STXBP3: variants seen among roughly 807,000 people sequenced by gnomAD.
STXBP3 encodes the protein syntaxin binding protein 3, also known as syntaxin-binding protein 3.
A neutral mutation model predicts 85.7 loss-of-function variants in STXBP3; 41 were observed. That is an observed-to-expected ratio of 0.48 (90% CI 0.37 to 0.62). The LOEUF (loss-of-function observed/expected upper bound fraction) is 0.62. Ranked by LOEUF, STXBP3 falls within the 20% of genes least tolerant of loss-of-function variation. STXBP3 has a pLI of 0.00. For missense variants in STXBP3, 563 were observed against 703.1 expected (o/e 0.80, Z 2.25); for synonymous variants, 229 against 231.7 (o/e 0.99, Z 0.10).
chr1:108,770,260 A>G (rs1662355350), intron 6 of STXBP3, among the ~76,000 whole-genome samples: 1 of 152,102 alleles, frequency 6.6e-6, no homozygotes, highest in Admixed American at 6.6e-5. Context: ...ATGCCACTGC[A>G]CTCCAGCCTG....
At chr1:108,750,574 A>G (rs1040655468) in intron 1 of STXBP3, among the ~76,000 whole-genome samples, 5 of 152,168 alleles carry the variant, frequency 3.3e-5, no homozygotes, top group African/African-American at 1.2e-4. Context: ...TTCCCCCCTC[A>G]CACCAACCAG....
chr1:108,784,538 A>G (rs1430584562), intron 11 of STXBP3, among the ~76,000 whole-genome samples: 1 of 152,204 alleles, frequency 6.6e-6, no homozygotes, highest in Non-Finnish European at 1.5e-5. Context: ...TTACAGTTCA[A>G]GGTGAGATTT....
rs80268469 is a variant in STXBP3 at position 108,806,704 on chromosome 1, A to G, written c.1536-697A>G. On this transcript the variant is annotated intron_variant, in intron 17 of 18. Transcript: ENST00000370008. ...AATACTATATCAGCTCCAAAGTATT[A>G]CTTGCCCCTTTCCCCTTCACATCTT... Among the ~76,000 whole-genome samples, 384 of 152,234 alleles carry G rather than the reference A, an allele frequency of 2.5e-3. 6 individuals are homozygous for G. The highest frequency in any genetic ancestry group is 5.5e-3 in the African/African-American group (229 of 41,558).
chr1:108,747,542 G>T (rs1189159213), intron 1 of STXBP3, among the ~76,000 whole-genome samples: 1 of 152,168 alleles, frequency 6.6e-6, no homozygotes, highest in Non-Finnish European at 1.5e-5. Context: ...CCTAGGTCTG[G>T]CAGGTTAGAG....
intron 6 of STXBP3, among the ~76,000 whole-genome samples, chr1:108,762,003 C>T (rs1306879880): frequency 6.6e-6 from 1 of 152,038 alleles, no homozygotes; most frequent in African/African-American, 2.4e-5. Context: ...CTTAATAAAT[C>T]TAACTGTTTT....
chr1:108,803,645 C>T (rs1244194941), intron 17 of STXBP3, among the ~76,000 whole-genome samples: 1 of 152,154 alleles, frequency 6.6e-6, no homozygotes, highest in Non-Finnish European at 1.5e-5. Flanking sequence ...TGCACCACCA[C>T]ACCCTGCTGA....
intron 1 of STXBP3, among the ~76,000 whole-genome samples, chr1:108,750,088 CTG>C (rs1661869923): frequency 1.3e-5 from 2 of 151,978 alleles, no homozygotes; most frequent in East Asian, 3.9e-4. Flanking sequence ...GTTTCAAAGA[CTG>C]TAATGAGATG....
At chr1:108,771,138 C>T (rs1472390031) in intron 6 of STXBP3, among the ~76,000 whole-genome samples, 1 of 151,012 alleles carries the variant, frequency 6.6e-6, no homozygotes, top group Non-Finnish European at 1.5e-5. Flanking sequence ...ATCTGTTGCA[C>T]TGGTAGTAAA....
chr1:108,793,662 A>G lies in STXBP3; in HGVS notation c.1029+15A>G. The stretch of plus-strand genomic sequence containing the variant: ...AGATTACTAAGGTAAGCAGTATTGT[A>G]TATGAGATACCTGATTAGTTTTAGT... On this transcript the variant is annotated intron_variant, in intron 12 of 18. Transcript: ENST00000370008. 1.3e-6 allele frequency: 2 copies of G among 1,596,814 alleles called. No homozygotes were observed. The highest frequency in any genetic ancestry group is 1.7e-6 in the Non-Finnish European group (2 of 1,167,506).
chr1:108,793,692 AT>A (rs747131327), intron 12 of STXBP3, 45 bp downstream of exon 12: 259 of 1,511,488 alleles, frequency 1.7e-4, no homozygotes, highest in Non-Finnish European at 2.3e-4. Flanking sequence ...TTTAGTTTAT[AT>A]TCAGTTTATA....
At chr1:108,779,839 C>G (rs996850923) in intron 9 of STXBP3, 1 of 152,270 alleles carries the variant, frequency 6.6e-6, no homozygotes, top group African/African-American at 2.4e-5. Flanking sequence ...CACTAGAAAA[C>G]TAAATAGGAT....
intron 17 of STXBP3, among the ~76,000 whole-genome samples, chr1:108,804,298 T>C (rs960974082): frequency 2.6e-5 from 4 of 152,136 alleles, no homozygotes; most frequent in African/African-American, 7.2e-5. Flanking sequence ...TCATCTGCTG[T>C]ATAAGCTGTT....
chr1:108,778,516 CTG>C (rs1251837182), intron 8 of STXBP3, among the ~76,000 whole-genome samples: 3 of 152,152 alleles, frequency 2.0e-5, no homozygotes, highest in Non-Finnish European at 4.4e-5. Context: ...CTCTTACTAC[CTG>C]TGTGATTTGG....
At chr1:108,756,436 A>C (rs1274708686) in intron 3 of STXBP3, among the ~76,000 whole-genome samples, 1 of 152,130 alleles carries the variant, frequency 6.6e-6, no homozygotes, top group Non-Finnish European at 1.5e-5. Flanking sequence ...ATGAATTATT[A>C]ATTTAAGAAA....
At chr1:108,803,771 C>T (rs1244068262) in intron 17 of STXBP3, among the ~76,000 whole-genome samples, 3 of 152,204 alleles carry the variant, frequency 2.0e-5, no homozygotes, top group African/African-American at 7.2e-5. Flanking sequence ...CAGGTGTGCG[C>T]CACTACGCCT....
intron 8 of STXBP3, among the ~76,000 whole-genome samples, chr1:108,778,777 C>G (rs1662644786): frequency 6.6e-6 from 1 of 152,122 alleles, no homozygotes; most frequent in South Asian, 2.1e-4. Context: ...AATTTTCAAG[C>G]TATTATACAG....
intron 11 of STXBP3, among the ~76,000 whole-genome samples, chr1:108,789,939 A>G (rs1570768572): frequency 6.8e-6 from 1 of 146,786 alleles, no homozygotes; most frequent in East Asian, 2.0e-4. Flanking sequence ...GATGGCACAC[A>G]CCTGTGGCTC....
At chr1:108,762,861 A>G (rs767163890) in intron 6 of STXBP3, among the ~76,000 whole-genome samples, 7 of 152,200 alleles carry the variant, frequency 4.6e-5, no homozygotes, top group Non-Finnish European at 7.3e-5. Flanking sequence ...TGTTAGAGCA[A>G]TCACACACAT....
At chr1:108,758,235 A>G (rs1042896885) in intron 4 of STXBP3, among the ~76,000 whole-genome samples, 10 of 149,324 alleles carry the variant, frequency 6.7e-5, no homozygotes, top group African/African-American at 1.2e-4. Context: ...TTCATTGCCA[A>G]TAAGAGCATC....
Sources: allele counts gnomAD v4.1 joint callset (sites outside exome capture counted in the v4.1 genomes callset), GRCh38; gene constraint gnomAD v4.1.1; transcripts MANE v1.5; gene names NCBI Gene and HGNC (gene_info 2026-07-23, HGNC 2026-07-21).